IGF2BP3: variants seen among roughly 807,000 people sequenced by gnomAD.
IGF2BP3 encodes the protein insulin-like growth factor 2 mRNA-binding protein 3.
A neutral mutation model predicts 73.8 loss-of-function variants in IGF2BP3; 9 were observed. That is an observed-to-expected ratio of 0.12 (90% CI 0.07 to 0.21). IGF2BP3 has a LOEUF of 0.21. IGF2BP3 is among the 10% of genes least tolerant of loss of function. The pLI, the probability that IGF2BP3 is intolerant of heterozygous loss-of-function variation, is 1.00. For missense variants in IGF2BP3, 542 were observed against 714.0 expected, an observed-to-expected ratio of 0.76 and a Z score of 2.75; for synonymous variants, 258 against 256.7, an observed-to-expected ratio of 1.01 and a Z score of -0.05.
intron 10 of IGF2BP3, among the ~76,000 whole-genome samples, chr7:23,341,351 T>TAA (rs1160118218): frequency 6.6e-6 from 1 of 152,128 alleles, no homozygotes; most frequent in Non-Finnish European, 1.5e-5. Context: ...AAGAAGCCTT[T>TAA]AAAAAATCTT....
At chr7:23,378,228 T>C (rs1051175672) in intron 3 of IGF2BP3, among the ~76,000 whole-genome samples, 3 of 152,150 alleles carry the variant, frequency 2.0e-5, no homozygotes, top group African/African-American at 4.8e-5. Flanking sequence ...CACGGAATAA[T>C]GTTGCCATTG....
At chr7:23,326,058 T>G (rs1784286464) in intron 10 of IGF2BP3, among the ~76,000 whole-genome samples, 2 of 151,914 alleles carry the variant, frequency 1.3e-5, no homozygotes, top group Admixed American at 1.3e-4. Flanking sequence ...AAGCCAAAAT[T>G]GACAAATGGG....
chr7:23,374,950 C>T (rs1199229877), intron 3 of IGF2BP3, among the ~76,000 whole-genome samples: 1 of 152,134 alleles, frequency 6.6e-6, no homozygotes, highest in East Asian at 1.9e-4. Flanking sequence ...GCCGGTCCCC[C>T]CGTTCAGGGT....
In IGF2BP3 at chr7:23,441,944, G is replaced by A. The variant is rs541435167; in HGVS notation, c.237-23120C>T. The stretch of plus-strand genomic sequence containing the variant: ...GTTTGAGACCAGCCTGGCCAACAAG[G>A]AGAAACCCCGTCTCTACTAAAAATA... On this transcript the variant is annotated intron_variant, in intron 2 of 14. Coordinates refer to ENST00000258729, the MANE Select transcript of IGF2BP3 (RefSeq NM_006547.3). Among the ~76,000 whole-genome samples the A allele has an allele frequency of 2.0e-5, 3 of 152,292 alleles. No homozygotes were observed. The South Asian group carries it at 6.2e-4, about 32-fold the overall frequency.
At chr7:23,437,100 T>TA (rs1177244494) in intron 2 of IGF2BP3, among the ~76,000 whole-genome samples, 1 of 151,460 alleles carries the variant, frequency 6.6e-6, no homozygotes, top group Non-Finnish European at 1.5e-5. Context: ...GCCTGGGCGA[T>TA]AGAGTCAGAC....
chr7:23,424,014 A>T (rs1202414585), intron 2 of IGF2BP3, among the ~76,000 whole-genome samples: 1 of 152,144 alleles, frequency 6.6e-6, no homozygotes, highest in African/African-American at 2.4e-5. Flanking sequence ...GCTACTCAGG[A>T]GGCTGAGGCA....
intron 3 of IGF2BP3, among the ~76,000 whole-genome samples, chr7:23,395,385 C>G (rs1051932392): frequency 6.6e-6 from 1 of 151,860 alleles, no homozygotes; most frequent in Non-Finnish European, 1.5e-5. Context: ...CATTTGCCAC[C>G]ACCAAAAAAT....
chr7:23,380,027 G>C (rs1785856940), intron 3 of IGF2BP3, among the ~76,000 whole-genome samples: 1 of 152,068 alleles, frequency 6.6e-6, no homozygotes, highest in Non-Finnish European at 1.5e-5. Context: ...GGTTGGGAAA[G>C]TCGTAACTTG....
intron 5 of IGF2BP3, among the ~76,000 whole-genome samples, chr7:23,354,065 C>T (rs1403114636): frequency 6.6e-6 from 1 of 152,216 alleles, no homozygotes; most frequent in African/African-American, 2.4e-5. Flanking sequence ...GCGATCTTGG[C>T]TCACTGCAAC....
At chr7:23,343,586 G>A (rs1024446786) in intron 9 of IGF2BP3, 132 bp downstream of exon 9, 29 of 807,810 alleles carry the variant, frequency 3.6e-5, no homozygotes, top group Non-Finnish European at 5.1e-5. Context: ...CAGGGTACTT[G>A]CTGAGGTGCT....
chr7:23,383,551 C>A (rs1273572130), intron 3 of IGF2BP3, among the ~76,000 whole-genome samples: 1 of 152,146 alleles, frequency 6.6e-6, no homozygotes, highest in East Asian at 1.9e-4. Context: ...AATGGTGCAG[C>A]CACTTTGGAT....
intron 5 of IGF2BP3, among the ~76,000 whole-genome samples, chr7:23,355,188 A>T (rs1290616960): frequency 6.6e-6 from 1 of 151,744 alleles, no homozygotes; most frequent in Non-Finnish European, 1.5e-5. Flanking sequence ...TCCAACATGT[A>T]TATTACTCAG....
chr7:23,343,693 A>ACCCC (rs769593294), intron 9 of IGF2BP3, 25 bp downstream of exon 9: 1 of 1,590,686 alleles, frequency 6.3e-7, no homozygotes, highest in Non-Finnish European at 8.6e-7. Context: ...TAAAATAAAG[A>ACCCC]CATGCCCTTC....
Position 23,428,147 on chromosome 7 carries a change from G to A in IGF2BP3, c.237-9323C>T, listed in dbSNP as rs886416579. Among the ~76,000 whole-genome samples, 16 of 152,120 alleles carry A rather than the reference G, an allele frequency of 1.1e-4. 1 individual carries two copies. In the South Asian group the frequency reaches 1.7e-3, roughly 16 times the overall value. ...GCCAAGATCATGCCACTGCACTCCC[G>A]CCTTAAGAGACAGAGTGAGACTCCA... On this transcript the variant is annotated intron_variant, in intron 2 of 14. Coordinates refer to ENST00000258729, the MANE Select transcript of IGF2BP3 (RefSeq NM_006547.3).
chr7:23,434,722 C>T (rs1040031345), intron 2 of IGF2BP3, among the ~76,000 whole-genome samples: 1 of 152,184 alleles, frequency 6.6e-6, no homozygotes, highest in Non-Finnish European at 1.5e-5. Flanking sequence ...AAATGCAATG[C>T]TACGTTACCA....
At chr7:23,397,605 G>T (rs142461909) in intron 3 of IGF2BP3, among the ~76,000 whole-genome samples, 3 of 152,234 alleles carry the variant, frequency 2.0e-5, no homozygotes, top group African/African-American at 7.2e-5. Flanking sequence ...CTCATAATAG[G>T]AATGCTGCAT....
At chr7:23,431,696 T>A (rs532815446) in intron 2 of IGF2BP3, among the ~76,000 whole-genome samples, 1 of 152,162 alleles carries the variant, frequency 6.6e-6, no homozygotes, top group South Asian at 2.1e-4. Context: ...GTCCTTCAAT[T>A]ATGGTCCGAG....
rs201806498 is a variant in IGF2BP3, at chr7:23,342,196, C to T, written c.1078-7G>A. The stretch of plus-strand genomic sequence containing the variant: ...GAATTAAATGTGCTTGAAGCTGCAA[C>T]AGTAAAAAGGCCCCTTAATTTGACA... On this transcript the variant is annotated splice_polypyrimidine_tract_variant and splice_region_variant and intron_variant, in intron 9 of 14. Coordinates refer to ENST00000258729, the MANE Select transcript of IGF2BP3 (RefSeq NM_006547.3). 2 of 1,613,400 alleles carry T rather than the reference C, an allele frequency of 1.2e-6. No individual in the cohort carries two copies. The highest frequency in any genetic ancestry group is 8.5e-7 in the Non-Finnish European group (1 of 1,179,570).
chr7:23,410,949 T>C (rs1387681994), intron 3 of IGF2BP3, among the ~76,000 whole-genome samples: 1 of 152,190 alleles, frequency 6.6e-6, no homozygotes, highest in Non-Finnish European at 1.5e-5. Flanking sequence ...ATGGGACTGC[T>C]GTGAAGATTA....
Sources: allele counts gnomAD v4.1 joint callset (sites outside exome capture counted in the v4.1 genomes callset), GRCh38; gene constraint gnomAD v4.1.1; transcripts MANE v1.5; gene names NCBI Gene and HGNC (gene_info 2026-07-23, HGNC 2026-07-21).